ASTN1: variants seen among roughly 807,000 people sequenced by gnomAD.
The protein encoded by ASTN1 is astrotactin 1.
Under a neutral mutation model 140.7 loss-of-function variants are expected in ASTN1, and 41 were observed. The observed-to-expected ratio is 0.29, with a 90% CI of 0.23 to 0.38. The LOEUF is 0.38. Among genes scored for constraint, ASTN1 ranks in the 10% least tolerant of loss-of-function variants. The probability of loss-of-function intolerance (pLI) is 1.00; values close to 1 mark genes in which losing one functional copy is unlikely to be tolerated. For synonymous variants in ASTN1, 640 were observed against 652.2 expected, an observed-to-expected ratio of 0.98 and a Z score of 0.29; for missense variants, 1,479 against 1,678.8, an observed-to-expected ratio of 0.88 and a Z score of 2.08.
At chr1:176,947,866 C>G (rs772266160) in intron 12 of ASTN1, among the ~76,000 whole-genome samples, 10 of 152,148 alleles carry the variant, frequency 6.6e-5, no homozygotes, top group Non-Finnish European at 1.2e-4. Context: ...GTTCTCTGTG[C>G]AAAGTAGGTG....
chr1:177,124,242 T>C (rs186120669), intron 1 of ASTN1, among the ~76,000 whole-genome samples: 1 of 152,328 alleles, frequency 6.6e-6, no homozygotes, highest in Admixed American at 6.5e-5. Context: ...GTGGAGCGTC[T>C]ACTCTACTAA....
At chr1:177,075,645 C>CTTTTTTTTTTTT (rs5778927) in intron 1 of ASTN1, among the ~76,000 whole-genome samples, 2 of 99,540 alleles carry the variant, frequency 2.0e-5, no homozygotes, top group African/African-American at 4.2e-5. Context: ...CTTTTCTTTT[C>CTTTTTTTTTTTT]TTTTTTTTTT....
intron 11 of ASTN1, among the ~76,000 whole-genome samples, chr1:176,954,129 T>C (rs558872308): frequency 4.9e-4 from 74 of 152,274 alleles, no homozygotes; most frequent in Non-Finnish European, 6.3e-4. Flanking sequence ...CCTCCAATGA[T>C]GTCCCTGGCA....
intron 16 of ASTN1, among the ~76,000 whole-genome samples, chr1:176,929,459 G>C (rs1257708420): frequency 6.6e-6 from 1 of 152,212 alleles, no homozygotes; most frequent in Admixed American, 6.5e-5. Context: ...CAAGGCAAGG[G>C]ATTCTTCCCT....
At chr1:177,159,602 G>T (rs575318360) in intron 1 of ASTN1, among the ~76,000 whole-genome samples, 59 of 152,154 alleles carry the variant, frequency 3.9e-4, no homozygotes, top group Non-Finnish European at 4.7e-4. Flanking sequence ...TATTTAAACA[G>T]CTCCACTGAG....
At chr1:177,064,938 T>A (rs1346300291) in intron 1 of ASTN1, among the ~76,000 whole-genome samples, 3 of 152,146 alleles carry the variant, frequency 2.0e-5, no homozygotes, top group Non-Finnish European at 4.4e-5. Context: ...AGGACTGAGA[T>A]CAGAGCTTGG....
chr1:177,113,177 G>A (rs982904028), intron 1 of ASTN1, among the ~76,000 whole-genome samples: 3 of 152,076 alleles, frequency 2.0e-5, no homozygotes, highest in African/African-American at 7.2e-5. Flanking sequence ...GAGGCACGGG[G>A]GCAGTCAATT....
intron 1 of ASTN1, among the ~76,000 whole-genome samples, chr1:177,119,405 A>C (rs1681264611): frequency 6.6e-6 from 1 of 152,156 alleles, no homozygotes; most frequent in African/African-American, 2.4e-5. Flanking sequence ...AGGAAACAAA[A>C]CTTCCCCTAT....
Position 176,861,936 on chromosome 1 carries a change from C to T in ASTN1, c.*2348G>A. 3 of 985,536 alleles carry T rather than the reference C, an allele frequency of 3.0e-6. No homozygotes were observed. Among genetic ancestry groups the T allele is most frequent in the Non-Finnish European group, 3.6e-6 (3 of 830,026 alleles). 61.0% of individuals were successfully genotyped at this position (985,536 alleles called of 1,614,324 possible). The stretch of plus-strand genomic sequence containing the variant: ...GTGACTCTGATACCTGCTTCACCCT[C>T]TCCCTGGCCTGTCAACTCCCACATC... On this transcript the variant is annotated 3_prime_UTR_variant, in exon 23 of 23. Transcript: ENST00000361833.
chr1:177,013,756 T>C (rs1675407768), intron 8 of ASTN1, among the ~76,000 whole-genome samples: 1 of 152,242 alleles, frequency 6.6e-6, no homozygotes, highest in Admixed American at 6.5e-5. Context: ...TTTCTAGTTT[T>C]TCCTGTTCCA....
At chr1:177,091,229 T>C (rs561770331) in intron 1 of ASTN1, among the ~76,000 whole-genome samples, 60 of 152,330 alleles carry the variant, frequency 3.9e-4, no homozygotes, top group African/African-American at 1.3e-3. Context: ...AATTCCTCAT[T>C]GGAGTAACTA....
At chr1:177,057,258 G>A (rs1677853375) in intron 2 of ASTN1, among the ~76,000 whole-genome samples, 1 of 152,192 alleles carries the variant, frequency 6.6e-6, no homozygotes, top group Non-Finnish European at 1.5e-5. Context: ...CCCAGCTGGG[G>A]AATTGGCTTT....
At chr1:176,979,674 C>A (rs1673522168) in intron 8 of ASTN1, among the ~76,000 whole-genome samples, 1 of 151,746 alleles carries the variant, frequency 6.6e-6, no homozygotes, top group Non-Finnish European at 1.5e-5. Flanking sequence ...CAAAACACAG[C>A]AAAGCCCTCA....
At chr1:176,970,587 G>GTAGA (rs1319317473) in intron 8 of ASTN1, among the ~76,000 whole-genome samples, 66 of 148,742 alleles carry the variant, frequency 4.4e-4, no homozygotes, top group South Asian at 1.1e-3. Context: ...AGGTAGGTAG[G>GTAGA]TAGATAGATA....
At chr1:176,977,950 G>A (rs1673437350) in intron 8 of ASTN1, among the ~76,000 whole-genome samples, 1 of 152,182 alleles carries the variant, frequency 6.6e-6, no homozygotes, top group South Asian at 2.1e-4. Context: ...GGAAGAGATC[G>A]CAAGTGAAAT....
At position 177,061,238 on chromosome 1, in the gene ASTN1, G is replaced by A. The variant is rs1290134520; in HGVS notation, c.311C>T (p.Pro104Leu). 5 of 1,586,652 alleles carry A rather than the reference G, an allele frequency of 3.2e-6. No homozygotes were observed. The South Asian group carries it at 5.8e-5, about 18-fold the overall frequency. ...CCACTGCTGCCTCCAGCGCACCAAA[G>A]GGATATCCTCTGTGTTCCCTGAGAT... ...LEISGNTEDI[P>L]LVRWRQQWLE... Residue 104 changes from proline (P) to leucine (L), a missense_variant, in exon 2 of 23, where the codon CCT (proline) becomes CTT (leucine). By Grantham distance (98) the Pro-to-Leu change is moderately conservative. This residue lies in a region of ASTN1 where 729 missense variants were observed against 860.4 expected (regional missense o/e 0.85). Coordinates refer to ENST00000361833, the MANE Select transcript of ASTN1 (RefSeq NM_004319.3).
At chr1:177,102,256 G>A (rs973930563) in intron 1 of ASTN1, among the ~76,000 whole-genome samples, 1 of 152,200 alleles carries the variant, frequency 6.6e-6, no homozygotes, top group Non-Finnish European at 1.5e-5. Context: ...AGTCAATACA[G>A]GGTTAAACAT....
At chr1:177,053,028 T>C (rs997151424) in intron 2 of ASTN1, among the ~76,000 whole-genome samples, 8 of 152,234 alleles carry the variant, frequency 5.3e-5, no homozygotes, top group African/African-American at 1.9e-4. Flanking sequence ...AAGGTTGCTA[T>C]GGAAATTGAT....
At chr1:176,991,613 C>T (rs777652765) in intron 8 of ASTN1, among the ~76,000 whole-genome samples, 10 of 152,128 alleles carry the variant, frequency 6.6e-5, no homozygotes, top group Non-Finnish European at 1.3e-4. Context: ...GCTGTGTGAC[C>T]GGGCTAGATT....
Sources: gnomAD v4.1 joint callset for allele counts (sites outside exome capture counted in the v4.1 genomes callset) on GRCh38, gnomAD v4.1.1 for gene constraint, gnomAD v4.1.1 regional missense constraint, MANE v1.5 for transcripts, NCBI Gene and HGNC (gene_info 2026-07-23, HGNC 2026-07-21) for gene names.